SETX: variants seen among roughly 807,000 people sequenced by gnomAD.
The protein encoded by SETX is helicase senataxin.
Under a neutral mutation model 227.2 loss-of-function variants are expected in SETX, and 90 were observed. The observed-to-expected ratio is 0.40, with a 90% CI of 0.33 to 0.47. The LOEUF (loss-of-function observed/expected upper bound fraction) is 0.47. Among genes scored for constraint, SETX ranks in the 20% least tolerant of loss-of-function variants. The pLI is 0.91. For synonymous variants in SETX, 1,210 were observed against 1,113.2 expected (o/e 1.09, Z -1.73); for missense variants, 3,052 against 3,181.5 (o/e 0.96, Z 0.98).
In SETX at chr9:132,328,080, G is replaced by C; in HGVS notation, c.3518C>G (p.Pro1173Arg). The stretch of plus-strand genomic sequence containing the variant: ...TCTGACAGAAGATGAAGGCCTCACA[G>C]GATCTTCAGCCATTGGTTTTTCAGA... ...KRSEKPMAED[P>R]VRPSSSVRNE... The change falls in exon 10 of 26, where the codon CCT becomes CGT. Residue 1173 changes from proline (P) to arginine (R), a missense_variant. By Grantham distance (103) the Pro-to-Arg change is moderately radical. This residue lies in a region of SETX where 1,483 missense variants were observed against 1,312.0 expected (regional missense o/e 1.13). Transcript: ENST00000224140. 6.2e-7 allele frequency: 1 copy of C among 1,614,070 alleles called. No homozygotes were observed. The highest frequency in any genetic ancestry group is 2.2e-5 in the East Asian group (1 of 44,880).
At chr9:132,309,773 T>C (rs530840687) in intron 11 of SETX, among the ~76,000 whole-genome samples, 13 of 152,116 alleles carry the variant, frequency 8.5e-5, no homozygotes, top group Middle Eastern at 3.2e-3. Context: ...GAGCTGTAGT[T>C]TGCTAACCTT....
intron 15 of SETX, among the ~76,000 whole-genome samples, chr9:132,289,023 C>G (rs943636548): frequency 9.2e-5 from 14 of 152,162 alleles, no homozygotes; most frequent in African/African-American, 2.9e-4. Flanking sequence ...AAGCAGTTCT[C>G]TCATGTTGGG....
At position 132,327,180 on chromosome 9, in the gene SETX, C is replaced by T. The variant is rs757090189; in HGVS notation, c.4418G>A (p.Arg1473His). The T allele has an allele frequency of 5.6e-6, 9 of 1,614,036 alleles. No individual in the cohort carries two copies. Among genetic ancestry groups the T allele is most frequent in the South Asian group, 2.2e-5 (2 of 91,090 alleles). The change falls in exon 10 of 26, where the codon CGT becomes CAT. Residue 1473 changes from arginine (R) to histidine (H), a missense_variant. This residue lies in a region of SETX where 1,483 missense variants were observed against 1,312.0 expected (regional missense o/e 1.13). Transcript: ENST00000224140. ...DPLGGGDPTA[R>H]HIEMAALKEG... ...TTTCAAAGCTGCCATCTCTATATGA[C>T]GTGCTGTTGGATCACCTCCACCCAG...
At chr9:132,273,285 C>T (rs2131156673) in intron 23 of SETX, among the ~76,000 whole-genome samples, 2 of 152,234 alleles carry the variant, frequency 1.3e-5, no homozygotes, top group Middle Eastern at 6.8e-3. Context: ...GCCTCACCCT[C>T]CAGAGTAGTT....
At chr9:132,356,014 T>G (rs950721424), upstream of SETX, among the ~76,000 whole-genome samples, 18 of 136,732 alleles carry the variant, frequency 1.3e-4, no homozygotes, top group African/African-American at 4.9e-4. Flanking sequence ...AAAAAAAAAT[T>G]AGCACCTGTG....
chr9:132,345,893 C>T (rs1848257265), intron 4 of SETX, among the ~76,000 whole-genome samples: 1 of 152,124 alleles, frequency 6.6e-6, no homozygotes, highest in Admixed American at 6.6e-5. Flanking sequence ...ATGGCACACG[C>T]CTGTACTCCC....
Position 132,264,378 on chromosome 9 carries a change from C to T in SETX, c.7895G>A (p.Arg2632Lys). ...TTCACTGAAAGCCCTGGCCTCTCTC[C>T]TGTGACAGAGCTCCTCTTCCGGGTC... ...CDDPEEELCH[R>K]REARAFSEGE... is the part of the protein sequence containing the mutation. The change falls in exon 26 of 26, where the codon AGG becomes AAG. Residue 2632 changes from arginine (R) to lysine (K), a missense_variant. Arg to Lys is a conservative substitution (Grantham distance 26). Transcript: ENST00000224140. The T allele has an allele frequency of 6.2e-7, 1 of 1,614,220 alleles. No homozygotes were observed. Among genetic ancestry groups the T allele is most frequent in the Non-Finnish European group, 8.5e-7 (1 of 1,180,046 alleles).
intron 11 of SETX, among the ~76,000 whole-genome samples, chr9:132,309,563 C>T (rs772104469): frequency 6.6e-6 from 1 of 151,962 alleles, no homozygotes; most frequent in Admixed American, 6.6e-5. Context: ...ACCAGCTGGG[C>T]GAGGTGGTTC....
intron 7 of SETX, among the ~76,000 whole-genome samples, chr9:132,332,347 C>T (rs776722422): frequency 6.6e-6 from 1 of 152,136 alleles, no homozygotes; most frequent in Non-Finnish European, 1.5e-5. Flanking sequence ...GCTTAAATGC[C>T]TCCTCCTATA....
At chr9:132,286,379 G>GA (rs201395158) in intron 18 of SETX, 44 bp downstream of exon 18, 66,361 of 1,068,072 alleles carry the variant, frequency 0.062, 5 homozygotes, top group Non-Finnish European at 0.072. Context: ...ATTTTAAAAA[G>GA]AAAAAAAAAA....
chr9:132,276,289 T>C (rs1190221684), intron 22 of SETX, among the ~76,000 whole-genome samples: 1 of 152,158 alleles, frequency 6.6e-6, no homozygotes. Flanking sequence ...AGAGGCCTCA[T>C]TAAAACCTTT....
At chr9:132,354,677 G>A (rs867999299) in intron 1 of SETX, among the ~76,000 whole-genome samples, 6 of 152,022 alleles carry the variant, frequency 3.9e-5, no homozygotes, top group African/African-American at 1.4e-4. Context: ...GACAACGGAA[G>A]GACAGGGGGT....
At chr9:132,346,933 T>C (rs1848325377) in intron 3 of SETX, among the ~76,000 whole-genome samples, 1 of 151,758 alleles carries the variant, frequency 6.6e-6, no homozygotes, top group African/African-American at 2.4e-5. Context: ...CCAGTCTGGA[T>C]GACATAGGGA....
rs79740039 is a variant in SETX, at chr9:132,349,370, C to T, written c.59G>A (p.Arg20His). 8.5e-3 allele frequency: 13,762 copies of T among 1,614,102 alleles called. 94 individuals are homozygous for T. Among genetic ancestry groups the T allele is most frequent in the South Asian group, 0.017 (1,548 of 91,082 alleles). Residue 20 changes from arginine to histidine, a missense_variant, in exon 3 of 26, where the codon CGC becomes CAC. By Grantham distance (29) the Arg-to-His change is conservative. This residue lies in a region of SETX where 152 missense variants were observed against 156.2 expected (regional missense o/e 0.97). Coordinates refer to ENST00000224140, the MANE Select transcript of SETX (RefSeq NM_015046.7). ...ACCGGACGGAGTGTTGGAAGCATAGCGCTTTAGGAAGTCAATGGTGGAAGC... is the reference window on the plus strand; with the variant it reads ...ACCGGACGGAGTGTTGGAAGCATAGTGCTTTAGGAAGTCAATGGTGGAAGC... ...GGASTIDFLK[R>H]YASNTPSGEF...
intron 6 of SETX, among the ~76,000 whole-genome samples, 161 bp downstream of exon 6, chr9:132,336,135 C>G (rs371519863): frequency 1.3e-5 from 2 of 152,062 alleles, no homozygotes; most frequent in Non-Finnish European, 2.9e-5. Flanking sequence ...CACAGCTACT[C>G]GGGAGGCTAA....
Position 132,297,053 on chromosome 9 carries a change from A to C in SETX, c.5783T>G (p.Ile1928Ser). Residue 1928 changes from isoleucine (I) to serine (S), a missense_variant and splice_region_variant, in exon 14 of 26, where the codon ATT becomes AGT. Transcript: ENST00000224140. ...TTCATTGAAATCTCTTAAGTACGCAATCTATATAAAAAACACATTTTTGAG... is the reference window on the plus strand; with the variant it reads ...TTCATTGAAATCTCTTAAGTACGCACTCTATATAAAAAACACATTTTTGAG... Reference protein sequence around the residue: ...DLLTTTSERIIAYLRDFNEDQ... With the variant: ...DLLTTTSERISAYLRDFNEDQ... The C allele has an allele frequency of 6.2e-7, 1 of 1,609,902 alleles. No homozygotes were observed. Among genetic ancestry groups the C allele is most frequent in the Non-Finnish European group, 8.5e-7 (1 of 1,177,430 alleles).
intron 4 of SETX, among the ~76,000 whole-genome samples, chr9:132,345,823 C>G (rs894864284): frequency 6.6e-6 from 1 of 152,048 alleles, no homozygotes; most frequent in African/African-American, 2.4e-5. Context: ...TCAACACCAG[C>G]CTGGGCAACA....
rs764678240 is a variant in SETX at position 132,328,270 on chromosome 9, A to G, written c.3328T>C (p.Cys1110Arg). 1.9e-6 allele frequency: 3 copies of G among 1,613,892 alleles called. No individual in the cohort carries two copies. The highest frequency in any genetic ancestry group is 1.3e-5 in the African/African-American group (1 of 74,908). ...NNSVQDGEKKCLAPIANTTNG... is the reference protein window; with the variant it reads ...NNSVQDGEKKRLAPIANTTNG... ...GTAGTATTGGCTATAGGAGCCAAAC[A>G]TTTTTTCTCACCATCTTGAACTGAA... Residue 1110 changes from cysteine (C) to arginine (R), a missense_variant, in exon 10 of 26, where the codon TGT becomes CGT. Cys to Arg is a radical substitution (Grantham distance 180). Transcript: ENST00000224140.
At chr9:132,340,501 A>G (rs1252158039) in intron 5 of SETX, among the ~76,000 whole-genome samples, 1 of 152,156 alleles carries the variant, frequency 6.6e-6, no homozygotes, top group African/African-American at 2.4e-5. Flanking sequence ...CTTATGCCCA[A>G]TCAATTCAGG....
Sources: allele counts gnomAD v4.1 joint callset (sites outside exome capture counted in the v4.1 genomes callset), GRCh38; gene constraint gnomAD v4.1.1; regional missense constraint gnomAD v4.1.1; transcripts MANE v1.5; gene names NCBI Gene and HGNC (gene_info 2026-07-23, HGNC 2026-07-21).